Variants in SPOCK1 observed in about 807,000 individuals in gnomAD.
The protein encoded by SPOCK1 is testican-1.
SPOCK1 carries 23 observed loss-of-function variants against 55.3 expected under a neutral mutation model. That is an observed-to-expected ratio of 0.42 (90% confidence interval 0.30 to 0.59). SPOCK1 has a LOEUF of 0.59. Among genes scored for constraint, SPOCK1 ranks in the 20% least tolerant of loss-of-function variants. The pLI, the probability that SPOCK1 is intolerant of heterozygous loss-of-function variation, is 0.22. For synonymous variants in SPOCK1, 226 were observed against 221.0 expected (o/e 1.02, Z -0.20); for missense variants, 499 against 552.5 (o/e 0.90, Z 0.97).
At chr5:137,266,824 T>C (rs1222914291) in intron 3 of SPOCK1, among the ~76,000 whole-genome samples, 186 bp downstream of exon 3, 1 of 152,178 alleles carries the variant, frequency 6.6e-6, no homozygotes, top group Non-Finnish European at 1.5e-5. Context: ...CAGCCCTAGA[T>C]ATAACCTCAG....
intron 2 of SPOCK1, among the ~76,000 whole-genome samples, chr5:137,289,643 T>C (rs1561494485): frequency 6.6e-6 from 1 of 152,052 alleles, no homozygotes; most frequent in Non-Finnish European, 1.5e-5. Context: ...TTTTCCCAGA[T>C]CTTGCTTTAA....
intron 2 of SPOCK1, among the ~76,000 whole-genome samples, chr5:137,351,099 AG>A (rs1376443902): frequency 4.6e-5 from 7 of 152,206 alleles, no homozygotes; most frequent in Non-Finnish European, 1.0e-4. Flanking sequence ...TGACCCACCA[AG>A]GACCATAAGC....
chr5:137,063,270 C>T (rs1368102241), intron 6 of SPOCK1, among the ~76,000 whole-genome samples: 3 of 150,520 alleles, frequency 2.0e-5, no homozygotes, highest in East Asian at 1.9e-4. Context: ...AAGAAATATT[C>T]GGAAATTTTA....
chr5:137,354,488 A>G (rs1031126445), intron 2 of SPOCK1, among the ~76,000 whole-genome samples: 1 of 152,054 alleles, frequency 6.6e-6, no homozygotes, highest in Non-Finnish European at 1.5e-5. Flanking sequence ...CGTCACCTGC[A>G]TACTCGACTT....
chr5:137,011,667 A>G (rs1191461388), intron 6 of SPOCK1, among the ~76,000 whole-genome samples: 1 of 152,212 alleles, frequency 6.6e-6, no homozygotes, highest in Non-Finnish European at 1.5e-5. Flanking sequence ...TTGCACTGAT[A>G]ATGTAATTAA....
chr5:137,218,953 G>A (rs771667171), intron 3 of SPOCK1, among the ~76,000 whole-genome samples: 1 of 152,158 alleles, frequency 6.6e-6, no homozygotes, highest in Non-Finnish European at 1.5e-5. Flanking sequence ...GCTGAAGTGG[G>A]ACAGACAAAA....
At chr5:137,195,653 G>A (rs1755285537) in intron 3 of SPOCK1, among the ~76,000 whole-genome samples, 1 of 152,170 alleles carries the variant, frequency 6.6e-6, no homozygotes, top group Non-Finnish European at 1.5e-5. Flanking sequence ...ATGATGTGAG[G>A]GTGGCCCACA....
chr5:137,443,615 A>G (rs535097296), intron 2 of SPOCK1, among the ~76,000 whole-genome samples: 2 of 152,204 alleles, frequency 1.3e-5, no homozygotes, highest in East Asian at 3.9e-4. Context: ...CCATAGACCT[A>G]AAACAAACTT....
intron 9 of SPOCK1, among the ~76,000 whole-genome samples, chr5:136,981,990 GT>G (rs1297315076): frequency 6.6e-6 from 1 of 152,120 alleles, no homozygotes; most frequent in African/African-American, 2.4e-5. Context: ...CCTTTTCTAT[GT>G]TTAGATATAA....
At chr5:137,309,707 G>C (rs1015347662) in intron 2 of SPOCK1, among the ~76,000 whole-genome samples, 1 of 152,032 alleles carries the variant, frequency 6.6e-6, no homozygotes. Context: ...GTTTCTATGT[G>C]TGCAGATTAC....
chr5:137,386,573 CT>C (rs1751603223), intron 2 of SPOCK1, among the ~76,000 whole-genome samples: 1 of 152,116 alleles, frequency 6.6e-6, no homozygotes, highest in Admixed American at 6.5e-5. Flanking sequence ...AAAAGGTAGT[CT>C]TTTCAACAAA....
At chr5:137,397,380 A>G (rs1232200510) in intron 2 of SPOCK1, among the ~76,000 whole-genome samples, 2 of 152,140 alleles carry the variant, frequency 1.3e-5, no homozygotes, top group Admixed American at 6.5e-5. Flanking sequence ...TGTACATGTG[A>G]TCGTAGTTTT....
intron 2 of SPOCK1, among the ~76,000 whole-genome samples, chr5:137,352,396 C>G (rs1042061605): frequency 3.3e-5 from 5 of 152,362 alleles, no homozygotes; most frequent in Non-Finnish European, 5.9e-5. Context: ...GCACACCGTG[C>G]CTCACCTCAA....
intron 9 of SPOCK1, 31 bp from the exon 10 acceptor site, chr5:136,979,500 G>A (rs765940583): frequency 3.5e-5 from 53 of 1,512,254 alleles, no homozygotes; most frequent in Non-Finnish European, 4.5e-5. Flanking sequence ...ACTTTAATCA[G>A]AGACATGCAG....
At chr5:137,140,842 T>C in intron 3 of SPOCK1, 148 bp from the exon 4 acceptor site, 1 of 458,388 alleles carries the variant, frequency 2.2e-6, no homozygotes, top group Non-Finnish European at 3.6e-6. Flanking sequence ...CACTGCAACC[T>C]CCCCATCCTG....
intron 6 of SPOCK1, among the ~76,000 whole-genome samples, chr5:137,000,842 C>T (rs911394662): frequency 2.6e-5 from 4 of 151,952 alleles, no homozygotes; most frequent in Non-Finnish European, 5.9e-5. Flanking sequence ...TGAGACTAAC[C>T]TGGCCAACAT....
rs138328964 is a variant in SPOCK1 at position 137,171,628 on chromosome 5, GA to G, written c.233-30935del. Among the ~76,000 whole-genome samples, 100 of 151,816 alleles carry G rather than the reference GA, an allele frequency of 6.6e-4. 1 individual carries two copies. Among genetic ancestry groups the G allele is most frequent in the African/African-American group, 2.0e-3 (84 of 41,394 alleles). On this transcript the variant is annotated intron_variant, in intron 3 of 10. Coordinates refer to ENST00000394945, the MANE Select transcript of SPOCK1 (RefSeq NM_004598.4). ...ATTCTCAGACCCAAGTAGTTGTTGG[GA>G]AAAAAAATTACAAATGACCAAAAGT...
chr5:137,397,459 AGGAC>A (rs1432989618), intron 2 of SPOCK1, among the ~76,000 whole-genome samples: 2 of 152,180 alleles, frequency 1.3e-5, no homozygotes, highest in African/African-American at 4.8e-5. Context: ...AAAAATCTTA[AGGAC>A]AGAGATCAAG....
chr5:136,986,971 G>A lies in SPOCK1; in HGVS notation c.928+1451C>T, dbSNP rs904378216. Reference sequence around the variant, plus strand: ...TATCCAGGAAAATTCTAGAAAAACAGTAATGGCAGCAAAGGACAGTTCTAC... The same window carrying A: ...TATCCAGGAAAATTCTAGAAAAACAATAATGGCAGCAAAGGACAGTTCTAC... On this transcript the variant is annotated intron_variant, in intron 8 of 10. Coordinates refer to ENST00000394945, the MANE Select transcript of SPOCK1 (RefSeq NM_004598.4). Among the ~76,000 whole-genome samples the A allele has an allele frequency of 3.0e-4, 45 of 152,064 alleles. 1 individual carries two copies. The highest frequency in any genetic ancestry group is 1.0e-3 in the African/African-American group (43 of 41,404).
Sources: gnomAD v4.1 joint callset for allele counts (sites outside exome capture counted in the v4.1 genomes callset) on GRCh38, gnomAD v4.1.1 for gene constraint, MANE v1.5 for transcripts, NCBI Gene and HGNC (gene_info 2026-07-23, HGNC 2026-07-21) for gene names.